PTPN13: variants seen among roughly 807,000 people sequenced by gnomAD.
PTPN13 encodes tyrosine-protein phosphatase non-receptor type 13.
Under a neutral mutation model 284.0 loss-of-function variants are expected in PTPN13, and 191 were observed. That is an observed-to-expected ratio of 0.67 (90% CI 0.60 to 0.76). The LOEUF (loss-of-function observed/expected upper bound fraction) is 0.76. Ranked by LOEUF, PTPN13 falls within the 30% of genes least tolerant of loss-of-function variation. PTPN13 has a pLI of 0.00. For missense variants in PTPN13, 2,797 were observed against 2,939.9 expected (o/e 0.95, Z 1.12); for synonymous variants, 986 against 1,022.3 (o/e 0.96, Z 0.68).
At chr4:86,664,030 T>A (rs1295526807) in intron 2 of PTPN13, among the ~76,000 whole-genome samples, 1 of 152,164 alleles carries the variant, frequency 6.6e-6, no homozygotes, top group Non-Finnish European at 1.5e-5. Context: ...ATGAGAGCAG[T>A]GGTTTTCATT....
chr4:86,614,959 C>A (rs954661278), intron 1 of PTPN13, among the ~76,000 whole-genome samples: 1 of 152,036 alleles, frequency 6.6e-6, no homozygotes, highest in African/African-American at 2.4e-5. Context: ...CATCTAGATT[C>A]TGATTATTAA....
At chr4:86,607,924 C>T (rs1466745094) in intron 1 of PTPN13, among the ~76,000 whole-genome samples, 1 of 151,864 alleles carries the variant, frequency 6.6e-6, no homozygotes, top group African/African-American at 2.4e-5. Context: ...AATCTTTTAA[C>T]AATGTTTAGA....
At chr4:86,791,960 T>A (rs1742728158) in intron 40 of PTPN13, among the ~76,000 whole-genome samples, 1 of 152,020 alleles carries the variant, frequency 6.6e-6, no homozygotes, top group Non-Finnish European at 1.5e-5. Flanking sequence ...CTCCAAAGGA[T>A]CGCAGCTCCT....
At chr4:86,752,784 G>A (rs543316849) in intron 19 of PTPN13, among the ~76,000 whole-genome samples, 9 of 152,182 alleles carry the variant, frequency 5.9e-5, no homozygotes, top group African/African-American at 2.2e-4. Flanking sequence ...AGTATTGTCA[G>A]AAACAATATA....
chr4:86,606,397 C>T (rs1764743927), intron 1 of PTPN13, among the ~76,000 whole-genome samples: 1 of 151,802 alleles, frequency 6.6e-6, no homozygotes, highest in Non-Finnish European at 1.5e-5. Context: ...CCCAGTGTGA[C>T]TTTACTGTTA....
chr4:86,753,294 C>G (rs1408227118), intron 20 of PTPN13, among the ~76,000 whole-genome samples: 1 of 151,936 alleles, frequency 6.6e-6, no homozygotes, highest in Admixed American at 6.6e-5. Flanking sequence ...AATTGGGAAG[C>G]TAAGATAATA....
chr4:86,653,997 G>A lies in PTPN13; in HGVS notation c.116-18368G>A, dbSNP rs537632249. ...GCTTTGGATCATCTTAAAACTATAAGATAGCTCTTATCACATTTAAAGCAG... is the reference window on the plus strand; with the variant it reads ...GCTTTGGATCATCTTAAAACTATAAAATAGCTCTTATCACATTTAAAGCAG... On this transcript the variant is annotated intron_variant, in intron 2 of 47. Transcript: ENST00000411767. Among the ~76,000 whole-genome samples the A allele has an allele frequency of 1.2e-4, 19 of 152,256 alleles. No homozygotes were observed. The South Asian group carries it at 3.9e-3, about 32-fold the overall frequency.
chr4:86,627,918 C>T (rs957651579), intron 1 of PTPN13, among the ~76,000 whole-genome samples: 3 of 152,030 alleles, frequency 2.0e-5, no homozygotes, highest in Non-Finnish European at 4.4e-5. Flanking sequence ...GATTAGTATT[C>T]CATTGTGAGG....
At chr4:86,678,692 C>G (rs1728559921) in intron 3 of PTPN13, among the ~76,000 whole-genome samples, 1 of 152,148 alleles carries the variant, frequency 6.6e-6, no homozygotes, top group Non-Finnish European at 1.5e-5. Context: ...ATCATTTCCC[C>G]AATTTCCAAG....
intron 2 of PTPN13, among the ~76,000 whole-genome samples, chr4:86,643,937 G>A (rs1386735005): frequency 6.6e-6 from 1 of 151,696 alleles, no homozygotes; most frequent in Non-Finnish European, 1.5e-5. Flanking sequence ...AGCAACAGGA[G>A]GTTTACAAAA....
At chr4:86,791,725 A>G (rs932156664) in intron 40 of PTPN13, among the ~76,000 whole-genome samples, 10 of 152,170 alleles carry the variant, frequency 6.6e-5, no homozygotes, top group Admixed American at 2.0e-4. Flanking sequence ...CAGGGTCTGG[A>G]GTGGACCTCC....
chr4:86,616,787 G>C (rs1003896567), intron 1 of PTPN13, among the ~76,000 whole-genome samples: 1 of 152,118 alleles, frequency 6.6e-6, no homozygotes, highest in African/African-American at 2.4e-5. Context: ...AAAGCCTACA[G>C]AACCATGAGT....
At chr4:86,734,651 G>C in intron 13 of PTPN13, 86 bp from the exon 14 acceptor site, 1 of 1,443,600 alleles carries the variant, frequency 6.9e-7, no homozygotes, top group Non-Finnish European at 9.3e-7. Flanking sequence ...TAAACTCATG[G>C]AAATTAACCT....
intron 7 of PTPN13, among the ~76,000 whole-genome samples, chr4:86,711,584 TG>T (rs1732424302): frequency 6.6e-6 from 1 of 152,136 alleles, no homozygotes; most frequent in Non-Finnish European, 1.5e-5. Context: ...TTTCTGTAAC[TG>T]AAAACTAAAG....
At chr4:86,683,101 T>C (rs1047899158) in intron 3 of PTPN13, among the ~76,000 whole-genome samples, 5 of 152,296 alleles carry the variant, frequency 3.3e-5, no homozygotes, top group Admixed American at 6.5e-5. Context: ...TTCATACTTA[T>C]ATGTATTAGT....
At chr4:86,684,781 C>T (rs1342819165) in intron 3 of PTPN13, among the ~76,000 whole-genome samples, 1 of 152,018 alleles carries the variant, frequency 6.6e-6, no homozygotes, top group African/African-American at 2.4e-5. Context: ...AAGGATGCTG[C>T]AAAACGAAAC....
intron 2 of PTPN13, among the ~76,000 whole-genome samples, chr4:86,669,754 A>G (rs753326505): frequency 6.6e-5 from 10 of 152,270 alleles, no homozygotes; most frequent in Non-Finnish European, 1.3e-4. Context: ...GGGACAGGGC[A>G]TAGCATTTAG....
chr4:86,634,893 G>A (rs1363136747), intron 1 of PTPN13, among the ~76,000 whole-genome samples: 2 of 152,100 alleles, frequency 1.3e-5, no homozygotes, highest in African/African-American at 4.8e-5. Flanking sequence ...ATGAAACCTG[G>A]AACAGAAATC....
At chr4:86,645,628 C>T (rs1724333099) in intron 2 of PTPN13, among the ~76,000 whole-genome samples, 1 of 151,832 alleles carries the variant, frequency 6.6e-6, no homozygotes. Flanking sequence ...TAAGAATAAA[C>T]CTGACAAAAG....
Sources: gnomAD v4.1 joint callset for allele counts (sites outside exome capture counted in the v4.1 genomes callset) on GRCh38, gnomAD v4.1.1 for gene constraint, MANE v1.5 for transcripts, NCBI Gene and HGNC (gene_info 2026-07-23, HGNC 2026-07-21) for gene names.